Variants in PDGFC observed in about 807,000 individuals in gnomAD.
The protein encoded by PDGFC is platelet derived growth factor C, also known as platelet-derived growth factor C.
In PDGFC, 12 loss-of-function variants were observed where a neutral mutation model predicts 35.5. The ratio of observed to expected loss-of-function variants is 0.34; its 90% confidence interval spans 0.22 to 0.55. The LOEUF (loss-of-function observed/expected upper bound fraction) is 0.55, where lower values mean the gene tolerates loss of function less well. PDGFC is among the 20% of genes least tolerant of loss of function. The pLI, the probability that PDGFC is intolerant of heterozygous loss-of-function variation, is 0.91. For synonymous variants in PDGFC, 159 were observed against 148.8 expected (o/e 1.07, Z -0.50); for missense variants, 322 against 412.4 (o/e 0.78, Z 1.90).
At chr4:156,859,726 G>T (rs181933835) in intron 1 of PDGFC, among the ~76,000 whole-genome samples, 94 of 152,162 alleles carry the variant, frequency 6.2e-4, no homozygotes, top group African/African-American at 2.2e-3. Flanking sequence ...GGTTTTTAAA[G>T]AAATTAAAAC....
At chr4:156,841,505 T>G (rs1729203929) in intron 2 of PDGFC, 1 of 151,254 alleles carries the variant, frequency 6.6e-6, no homozygotes, top group South Asian at 2.1e-4. Flanking sequence ...TCAGGCAGTT[T>G]TTTTTTTTTT....
chr4:156,786,299 A>G (rs1731125011), intron 3 of PDGFC, among the ~76,000 whole-genome samples: 2 of 152,232 alleles, frequency 1.3e-5, no homozygotes, highest in South Asian at 4.1e-4. Context: ...TAATGCACAT[A>G]CAATGTTAGA....
At chr4:156,794,145 C>T (rs964719088) in intron 3 of PDGFC, among the ~76,000 whole-genome samples, 30 of 152,180 alleles carry the variant, frequency 2.0e-4, no homozygotes, top group Admixed American at 1.2e-3. Context: ...AACTTTAAAC[C>T]GTGTTTCTTC....
chr4:156,791,743 G>GT (rs1391778095), intron 3 of PDGFC, among the ~76,000 whole-genome samples: 1 of 152,002 alleles, frequency 6.6e-6, no homozygotes, highest in African/African-American at 2.4e-5. Context: ...AGCATCCCAC[G>GT]TACCACACTG....
intron 1 of PDGFC, among the ~76,000 whole-genome samples, chr4:156,893,001 C>G (rs529835850): frequency 6.6e-6 from 1 of 152,282 alleles, no homozygotes; most frequent in South Asian, 2.1e-4. Flanking sequence ...CCCTACCACA[C>G]AGATTTATTA....
chr4:156,792,773 C>T (rs1731331493), intron 3 of PDGFC, among the ~76,000 whole-genome samples: 1 of 152,160 alleles, frequency 6.6e-6, no homozygotes, highest in Non-Finnish European at 1.5e-5. Flanking sequence ...GAACAAATTT[C>T]ACACACCTGC....
intron 1 of PDGFC, among the ~76,000 whole-genome samples, chr4:156,898,673 T>C (rs1730692469): frequency 6.6e-6 from 1 of 152,222 alleles, no homozygotes; most frequent in Non-Finnish European, 1.5e-5. Context: ...TTTGCTCTTT[T>C]TTTCAGACAG....
intron 3 of PDGFC, among the ~76,000 whole-genome samples, chr4:156,797,226 ACAAT>A (rs1362989570): frequency 2.0e-5 from 3 of 151,640 alleles, no homozygotes; most frequent in Admixed American, 6.6e-5. Context: ...CGACAGAGCG[ACAAT>A]CAGTCTAAAA....
At chr4:156,777,966 A>C (rs573284055) in intron 3 of PDGFC, among the ~76,000 whole-genome samples, 4 of 151,866 alleles carry the variant, frequency 2.6e-5, no homozygotes, top group African/African-American at 9.7e-5. Context: ...TTAGCCAGGC[A>C]TGTTGGCCAC....
intron 2 of PDGFC, among the ~76,000 whole-genome samples, chr4:156,832,679 C>T (rs767356449): frequency 1.6e-4 from 25 of 152,182 alleles, no homozygotes; most frequent in African/African-American, 3.6e-4. Flanking sequence ...CCCTGAACAA[C>T]GGGCGTTTGA....
chr4:156,820,770 C>CAATATAATAA (rs1732230709), intron 2 of PDGFC, among the ~76,000 whole-genome samples: 1 of 151,980 alleles, frequency 6.6e-6, no homozygotes, highest in Non-Finnish European at 1.5e-5. Flanking sequence ...ATAATAAAAT[C>CAATATAATAA]AACAACTTAG....
intron 1 of PDGFC, among the ~76,000 whole-genome samples, chr4:156,885,683 G>A (rs891555219): frequency 1.3e-5 from 2 of 152,026 alleles, no homozygotes; most frequent in Non-Finnish European, 2.9e-5. Flanking sequence ...CTTGGGCCAG[G>A]AGCTCAAGGC....
chr4:156,867,200 T>C (rs961347928), intron 1 of PDGFC, among the ~76,000 whole-genome samples: 7 of 152,352 alleles, frequency 4.6e-5, no homozygotes, highest in Middle Eastern at 3.4e-3. Flanking sequence ...GTATGGATCA[T>C]ATTCTAAGTA....
At chr4:156,919,316 C>G (rs1323384585) in intron 1 of PDGFC, among the ~76,000 whole-genome samples, 1 of 152,136 alleles carries the variant, frequency 6.6e-6, no homozygotes, top group African/African-American at 2.4e-5. Context: ...TCCTAAATGA[C>G]CCTCAAATTC....
chr4:156,890,929 G>T (rs568850716), intron 1 of PDGFC, among the ~76,000 whole-genome samples: 1 of 152,050 alleles, frequency 6.6e-6, no homozygotes, highest in Admixed American at 6.6e-5. Context: ...GTGTGTGTGT[G>T]TATATACATT....
In PDGFC at chr4:156,761,708, T is replaced by A. The variant is rs552088023; in HGVS notation, c.*1382A>T. 2.6e-5 allele frequency: 4 copies of A among 152,766 alleles called. 1 individual carries two copies. The South Asian group carries it at 8.3e-4, about 32-fold the overall frequency. 9.5% of individuals were successfully genotyped at this position (152,766 alleles called of 1,614,324 possible). A position where few individuals can be genotyped will look rare whatever the true frequency, so the allele number is the denominator to read the frequency against. On this transcript the variant is annotated 3_prime_UTR_variant, in exon 6 of 6. Transcript: ENST00000502773. ...CATAACCTAGGCACGATATTAAGCA[T>A]TTTACAAGCAAAATATTTTACTGAT...
intron 1 of PDGFC, among the ~76,000 whole-genome samples, chr4:156,932,440 T>C (rs957739616): frequency 1.3e-5 from 2 of 152,094 alleles, no homozygotes; most frequent in Non-Finnish European, 2.9e-5. Context: ...TAAAGACACA[T>C]GCACACATGT....
At chr4:156,928,256 C>G (rs766810033) in intron 1 of PDGFC, among the ~76,000 whole-genome samples, 1 of 151,984 alleles carries the variant, frequency 6.6e-6, no homozygotes, top group South Asian at 2.1e-4. Context: ...TTTATCTATC[C>G]GTCTATGTGA....
chr4:156,788,370 G>C (rs1317322801), intron 3 of PDGFC, among the ~76,000 whole-genome samples: 1 of 152,186 alleles, frequency 6.6e-6, no homozygotes, highest in African/African-American at 2.4e-5. Flanking sequence ...ACTTGGCTAA[G>C]AGAGATTAAA....
Sources: allele counts gnomAD v4.1 joint callset (sites outside exome capture counted in the v4.1 genomes callset), GRCh38; gene constraint gnomAD v4.1.1; transcripts MANE v1.5; gene names NCBI Gene and HGNC (gene_info 2026-07-23, HGNC 2026-07-21).